The following GSE1 variants were observed in gnomAD, a reference collection of about 807,000 sequenced individuals.
GSE1 encodes the protein genetic suppressor element 1.
In GSE1, 32 loss-of-function variants were observed where a neutral mutation model predicts 112.6. The observed-to-expected ratio is 0.28, with a 90% CI of 0.21 to 0.38. GSE1 has a LOEUF of 0.38. Among genes scored for constraint, GSE1 ranks in the 10% least tolerant of loss-of-function variants. The pLI is 1.00. For synonymous variants in GSE1, 1,115 were observed against 735.6 expected, an observed-to-expected ratio of 1.52 and a Z score of -8.35; for missense variants, 2,348 against 1,699.2, an observed-to-expected ratio of 1.38 and a Z score of -6.71.
chr16:85,394,595 A>G (rs1210452493), intron 2 of GSE1, among the ~76,000 whole-genome samples: 1 of 151,990 alleles, frequency 6.6e-6, no homozygotes, highest in African/African-American at 2.4e-5. Flanking sequence ...GCACACACAC[A>G]CGCACTCCTG....
chr16:85,316,792 T>G (rs1367022885), intron 1 of GSE1, among the ~76,000 whole-genome samples: 1 of 152,146 alleles, frequency 6.6e-6, no homozygotes, highest in Non-Finnish European at 1.5e-5. Flanking sequence ...GGAGCAGACG[T>G]CTCCCTGTCA....
intron 2 of GSE1, among the ~76,000 whole-genome samples, chr16:85,399,614 G>A (rs1597603851): frequency 6.6e-6 from 1 of 152,144 alleles, no homozygotes. Flanking sequence ...TGTAAAGTGG[G>A]GATATAGCAG....
At chr16:85,505,517 C>T (rs1267147978) in intron 2 of GSE1, among the ~76,000 whole-genome samples, 1 of 152,194 alleles carries the variant, frequency 6.6e-6, no homozygotes, top group Admixed American at 6.5e-5. Context: ...GAAGGTGCCG[C>T]TGTGGTGTCA....
At chr16:85,447,318 G>A (rs2049544017) in intron 2 of GSE1, among the ~76,000 whole-genome samples, 1 of 152,230 alleles carries the variant, frequency 6.6e-6, no homozygotes, top group Non-Finnish European at 1.5e-5. Flanking sequence ...AGAAGGCACT[G>A]GAAGAAGGCT....
chr16:85,582,500 C>G (rs746027458), intron 1 of GSE1, among the ~76,000 whole-genome samples: 1 of 152,158 alleles, frequency 6.6e-6, no homozygotes, highest in Non-Finnish European at 1.5e-5. Flanking sequence ...TCCTTGGACC[C>G]GACATCCCCT....
chr16:85,407,299 G>A (rs2048324438), intron 2 of GSE1, among the ~76,000 whole-genome samples: 1 of 33,042 alleles, frequency 3.0e-5, no homozygotes, highest in Non-Finnish European at 5.0e-5. Context: ...GTTACACTCA[G>A]GCCCCCCGGA....
chr16:85,432,435 A>G (rs1483517086), intron 2 of GSE1, among the ~76,000 whole-genome samples: 1 of 152,224 alleles, frequency 6.6e-6, no homozygotes, highest in Non-Finnish European at 1.5e-5. Context: ...ATGAGCTTGA[A>G]GCTCTGACCC....
exon 1 of GSE1, chr16:85,171,137 T>G (rs2074352809): frequency 2.0e-6 from 2 of 985,508 alleles, no homozygotes; most frequent in South Asian, 9.4e-5. Context: ...CCCAAGTGCT[T>G]CAGCGTCCTG....
chr16:85,656,409 G>GCGCGAGC lies in GSE1; in HGVS notation c.1056_1057insCGCGAGC (p.Ala353ArgfsTer4). On this transcript the variant is annotated frameshift_variant, in exon 7 of 16. Coordinates refer to ENST00000253458, the MANE Select transcript of GSE1 (RefSeq NM_014615.5). LOFTEE classifies it high-confidence loss of function. Reference sequence around the variant, plus strand: ...AGCGCGAGCGCGAGCGTGAGCGTGAGGCTGACCGCGAGCGGGAGAAGGAAC... The same window carrying GCGCGAGC: ...AGCGCGAGCGCGAGCGTGAGCGTGAGCGCGAGCGCTGACCGCGAGCGGGAGAAGGAAC... 1 of 1,566,874 alleles carries GCGCGAGC rather than the reference G, an allele frequency of 6.4e-7. No individual in the cohort carries two copies. Among genetic ancestry groups the GCGCGAGC allele is most frequent in the Non-Finnish European group, 8.7e-7 (1 of 1,149,722 alleles).
intron 2 of GSE1, among the ~76,000 whole-genome samples, chr16:85,408,192 C>T (rs1405407988): frequency 1.2e-4 from 2 of 16,226 alleles, no homozygotes; most frequent in Non-Finnish European, 2.1e-4. Context: ...TACACTCAGG[C>T]CCCCCTGGAT....
chr16:85,465,312 G>A (rs922379506), intron 2 of GSE1, among the ~76,000 whole-genome samples: 3 of 152,164 alleles, frequency 2.0e-5, no homozygotes, highest in Admixed American at 1.3e-4. Flanking sequence ...CTGGCCCTTC[G>A]CATCTCTGCT....
rs183902567 is a variant in GSE1 at position 85,494,909 on chromosome 16, C to G, written c.2464+137266C>G. Among the ~76,000 whole-genome samples, 1,099 of 152,120 alleles carry G rather than the reference C, an allele frequency of 7.2e-3. 57 individuals are homozygous for G. The highest frequency in any genetic ancestry group is 0.066 in the Admixed American group (1,009 of 15,278). On this transcript the variant is annotated intron_variant, in intron 2 of 2. Coordinates refer to the GSE1 transcript ENST00000637419. ...GAAAGGAGGTGCCGGGCCCTGTCCC[C>G]TGCCTCTGCCGGTGCAGGCTTTCTG...
At chr16:85,277,465 C>T (rs1055053976) in intron 1 of GSE1, among the ~76,000 whole-genome samples, 1 of 152,134 alleles carries the variant, frequency 6.6e-6, no homozygotes, top group Admixed American at 6.5e-5. Context: ...GGGCACAGGG[C>T]AAGCCTGTAC....
chr16:85,326,757 C>T (rs1056150511), intron 1 of GSE1, among the ~76,000 whole-genome samples: 1 of 152,234 alleles, frequency 6.6e-6, no homozygotes, highest in Non-Finnish European at 1.5e-5. Flanking sequence ...TTTGTGGTTT[C>T]AGCTCCTGTC....
intron 1 of GSE1, among the ~76,000 whole-genome samples, chr16:85,567,673 C>G (rs1275209978): frequency 1.3e-5 from 2 of 152,232 alleles, no homozygotes; most frequent in African/African-American, 4.8e-5. Flanking sequence ...CTGTTGGTTG[C>G]AAGTGAGGGA....
At chr16:85,403,264 A>C (rs12597020) in intron 2 of GSE1, among the ~76,000 whole-genome samples, 143,785 of 152,150 alleles carry the variant, frequency 0.95, 68,272 homozygotes, top group Non-Finnish European at 1. Context: ...TGTAACCGAC[A>C]CCGGAAGCGA....
chr16:85,274,644 T>C (rs1207619264), intron 1 of GSE1, among the ~76,000 whole-genome samples: 1 of 152,178 alleles, frequency 6.6e-6, no homozygotes, highest in African/African-American at 2.4e-5. Context: ...CCACGTGGGA[T>C]GGGCAGCTTA....
chr16:85,467,696 C>A (rs1032508482), intron 2 of GSE1, among the ~76,000 whole-genome samples: 1 of 152,176 alleles, frequency 6.6e-6, no homozygotes, highest in African/African-American at 2.4e-5. Flanking sequence ...AGGGATCACG[C>A]AGCATCACTT....
chr16:85,375,717 A>C (rs2047404755), intron 2 of GSE1, among the ~76,000 whole-genome samples: 1 of 120,196 alleles, frequency 8.3e-6, no homozygotes, highest in South Asian at 2.8e-4. Context: ...GGGCCAGCAC[A>C]GGCGAGGGAA....
Sources: gnomAD v4.1 joint callset for allele counts (sites outside exome capture counted in the v4.1 genomes callset) on GRCh38, gnomAD v4.1.1 for gene constraint, MANE v1.5 for transcripts, NCBI Gene and HGNC (gene_info 2026-07-23, HGNC 2026-07-21) for gene names.